Variants in IMMP2L observed in about 807,000 individuals in gnomAD.
IMMP2L encodes the protein inner mitochondrial membrane peptidase subunit 2.
A neutral mutation model predicts 19.3 loss-of-function variants in IMMP2L; 18 were observed. The observed-to-expected ratio is 0.93, with a 90% CI of 0.64 to 1.38. IMMP2L has a LOEUF of 1.38. Ranked by LOEUF, IMMP2L falls within the 40% of genes most tolerant of loss-of-function variation. IMMP2L has a pLI of 0.00. For missense variants in IMMP2L, 233 were observed against 218.2 expected (o/e 1.07, Z -0.43); for synonymous variants, 76 against 73.0 (o/e 1.04, Z -0.21).
intron 2 of IMMP2L, among the ~76,000 whole-genome samples, chr7:111,505,953 T>A (rs1844854735): frequency 6.6e-6 from 1 of 151,986 alleles, no homozygotes; most frequent in Admixed American, 6.6e-5. Context: ...ACATGTACCC[T>A]AAAACTTAAA....
chr7:111,385,101 C>T (rs1378119061), intron 3 of IMMP2L, among the ~76,000 whole-genome samples: 8 of 151,902 alleles, frequency 5.3e-5, no homozygotes, highest in Admixed American at 1.3e-4. Context: ...ATAGGGAAGA[C>T]GTGTAATAAA....
intron 3 of IMMP2L, among the ~76,000 whole-genome samples, chr7:111,112,539 A>T (rs768110033): frequency 3.3e-5 from 5 of 152,220 alleles, no homozygotes; most frequent in South Asian, 2.1e-4. Context: ...TTGAAACTCA[A>T]AGCCATAATT....
At chr7:110,761,131 T>C (rs1798326361) in intron 5 of IMMP2L, among the ~76,000 whole-genome samples, 1 of 152,130 alleles carries the variant, frequency 6.6e-6, no homozygotes, top group African/African-American at 2.4e-5. Flanking sequence ...AAACTTTTGG[T>C]GGCAGCAAAC....
chr7:111,356,692 G>A (rs1828735125), intron 3 of IMMP2L, among the ~76,000 whole-genome samples: 1 of 152,056 alleles, frequency 6.6e-6, no homozygotes, highest in African/African-American at 2.4e-5. Flanking sequence ...AAAAAAGAAA[G>A]AATTGACAAT....
At chr7:110,704,985 T>C (rs1033481074) in intron 5 of IMMP2L, among the ~76,000 whole-genome samples, 1 of 152,236 alleles carries the variant, frequency 6.6e-6, no homozygotes, top group African/African-American at 2.4e-5. Flanking sequence ...ATTCATATTA[T>C]ATAACTGAAT....
chr7:111,431,415 A>C (rs907624112), intron 3 of IMMP2L, among the ~76,000 whole-genome samples: 1 of 151,868 alleles, frequency 6.6e-6, no homozygotes, highest in Admixed American at 6.6e-5. Flanking sequence ...TATTTTACAC[A>C]TTCCTTTTAT....
chr7:110,725,916 A>AAG (rs1795855289), intron 5 of IMMP2L: 3 of 152,228 alleles, frequency 2.0e-5, no homozygotes, highest in African/African-American at 7.2e-5. Context: ...TATACCAAGC[A>AAG]TTGTTCTAAA....
At chr7:111,051,093 G>A (rs1373032030) in intron 3 of IMMP2L, among the ~76,000 whole-genome samples, 1 of 152,116 alleles carries the variant, frequency 6.6e-6, no homozygotes, top group Non-Finnish European at 1.5e-5. Context: ...AGCTATGAGT[G>A]CGCCACTGCA....
intron 5 of IMMP2L, among the ~76,000 whole-genome samples, chr7:110,869,613 G>A (rs1011416504): frequency 6.6e-6 from 1 of 152,058 alleles, no homozygotes; most frequent in African/African-American, 2.4e-5. Flanking sequence ...AGTTTCATTT[G>A]GGGAATACTT....
At chr7:111,310,379 C>G (rs1006721694) in intron 3 of IMMP2L, among the ~76,000 whole-genome samples, 1 of 151,566 alleles carries the variant, frequency 6.6e-6, no homozygotes. Flanking sequence ...CAATTTGGCA[C>G]ATAAGATAAG....
intron 4 of IMMP2L, among the ~76,000 whole-genome samples, chr7:110,943,185 G>A (rs975234388): frequency 6.6e-6 from 1 of 151,998 alleles, no homozygotes; most frequent in Non-Finnish European, 1.5e-5. Flanking sequence ...TGACTACTGT[G>A]CAGGAAAATA....
chr7:111,525,772 G>A (rs78041168), intron 1 of IMMP2L, among the ~76,000 whole-genome samples: 3,052 of 152,130 alleles, frequency 0.02, 102 homozygotes, highest in African/African-American at 0.07. Flanking sequence ...CTAAAATTAT[G>A]CTCATAATTC....
intron 1 of IMMP2L, among the ~76,000 whole-genome samples, chr7:111,553,223 G>A (rs1290718877): frequency 6.6e-6 from 1 of 152,152 alleles, no homozygotes; most frequent in African/African-American, 2.4e-5. Context: ...ATATAGGAAT[G>A]AGTAGAGAAA....
At chr7:110,889,160 T>C (rs951475581) in intron 4 of IMMP2L, among the ~76,000 whole-genome samples, 15 of 152,218 alleles carry the variant, frequency 9.9e-5, no homozygotes, top group African/African-American at 3.4e-4. Flanking sequence ...CAGTAGGGAC[T>C]GATTTAATGG....
chr7:111,074,014 A>T (rs2129575657), intron 3 of IMMP2L, among the ~76,000 whole-genome samples: 1 of 152,322 alleles, frequency 6.6e-6, no homozygotes, highest in Non-Finnish European at 1.5e-5. Context: ...CTGACCATTC[A>T]AATGGAAATC....
At chr7:110,930,125 G>A (rs905869865) in intron 4 of IMMP2L, among the ~76,000 whole-genome samples, 2 of 152,096 alleles carry the variant, frequency 1.3e-5, no homozygotes, top group African/African-American at 4.8e-5. Flanking sequence ...TCAGTACATA[G>A]TTACATGGTG....
rs60697579 is a variant in IMMP2L at position 111,551,495 on chromosome 7, G to GGTGTGT, written c.-3+10350_-3+10355dup. On this transcript the variant is annotated intron_variant, in intron 1 of 5. Coordinates refer to ENST00000405709, the MANE Select transcript of IMMP2L (RefSeq NM_032549.4). ...AGGTATGTTAGGTATGACTGTTAGA[G>GGTGTGT]GTGTGTGTGTGTGTGTGTGTGTGTG... 9.4e-3 allele frequency among the ~76,000 whole-genome samples: 1,367 copies of GGTGTGT among 145,348 alleles called. 11 individuals carry two copies. Among genetic ancestry groups the GGTGTGT allele is most frequent in the Middle Eastern group, 0.024 (7 of 294 alleles).
intron 3 of IMMP2L, among the ~76,000 whole-genome samples, chr7:111,009,802 G>T (rs1824731885): frequency 6.6e-6 from 1 of 152,108 alleles, no homozygotes; most frequent in African/African-American, 2.4e-5. Flanking sequence ...TGGGTTCTCT[G>T]AGTAGAAGCT....
At chr7:110,673,499 T>C (rs961999782) in intron 5 of IMMP2L, among the ~76,000 whole-genome samples, 6 of 152,246 alleles carry the variant, frequency 3.9e-5, no homozygotes, top group Non-Finnish European at 8.8e-5. Context: ...GTTGAATTTT[T>C]CCCAAGAAAA....
Sources: gnomAD v4.1 joint callset for allele counts (sites outside exome capture counted in the v4.1 genomes callset) on GRCh38, gnomAD v4.1.1 for gene constraint, MANE v1.5 for transcripts, NCBI Gene and HGNC (gene_info 2026-07-23, HGNC 2026-07-21) for gene names.